The following SEMA4F variants were observed in gnomAD, a reference collection of about 807,000 sequenced individuals.
SEMA4F encodes the protein semaphorin-4F.
In SEMA4F, 51 loss-of-function variants were observed where a neutral mutation model predicts 78.4. The ratio of observed to expected loss-of-function variants is 0.65; its 90% CI spans 0.52 to 0.82. The LOEUF (loss-of-function observed/expected upper bound fraction) is 0.82. Ranked by LOEUF, SEMA4F falls within the 40% of genes least tolerant of loss-of-function variation. The pLI is 0.00. For synonymous variants in SEMA4F, 418 were observed against 408.7 expected, an observed-to-expected ratio of 1.02 and a Z score of -0.27; for missense variants, 938 against 1,014.4, an observed-to-expected ratio of 0.92 and a Z score of 1.02.
At chr2:74,668,747 A>T (rs905263340) in intron 5 of SEMA4F, among the ~76,000 whole-genome samples, 2 of 151,308 alleles carry the variant, frequency 1.3e-5, no homozygotes, top group Non-Finnish European at 2.9e-5. Context: ...CTCCTGTTTC[A>T]GCCTCCCAAG....
At chr2:74,684,962 A>G (rs1685785723), downstream of SEMA4F, among the ~76,000 whole-genome samples, 1 of 152,218 alleles carries the variant, frequency 6.6e-6, no homozygotes, top group South Asian at 2.1e-4. Flanking sequence ...ACAGAGCGAG[A>G]CCTTGTCTCA....
chr2:74,664,075 G>A (rs987869357), intron 5 of SEMA4F, among the ~76,000 whole-genome samples: 1 of 152,172 alleles, frequency 6.6e-6, no homozygotes, highest in African/African-American at 2.4e-5. Context: ...CAGCCACACA[G>A]CAAATTTTTT....
chr2:74,684,811 A>C (rs1685782651), downstream of SEMA4F, among the ~76,000 whole-genome samples: 1 of 152,142 alleles, frequency 6.6e-6, no homozygotes. Flanking sequence ...AAAAATACAA[A>C]AGTTAGCTCG....
At chr2:74,700,362 G>A in the SEMA4F span, among the ~76,000 whole-genome samples, 1 of 152,206 alleles carries the variant, frequency 6.6e-6, no homozygotes, top group African/African-American at 2.4e-5. Context: ...GTGGGAATAG[G>A]TTCCCCTGCT....
intron 7 of SEMA4F, 90 bp downstream of exon 7, chr2:74,673,918 T>A: frequency 7.0e-7 from 1 of 1,433,036 alleles, no homozygotes; most frequent in Non-Finnish European, 9.5e-7. Context: ...TGTCTTTGAA[T>A]CTCTCCTGTG....
intron 12 of SEMA4F, among the ~76,000 whole-genome samples, chr2:74,678,895 G>GA (rs759741939): frequency 4.6e-5 from 7 of 151,208 alleles, no homozygotes; most frequent in South Asian, 2.1e-4. Flanking sequence ...TTAAATAAGA[G>GA]AAAAAAAAAT....
rs367593293 is a variant in SEMA4F at position 74,673,500 on chromosome 2, G to A, written c.594G>A (p.Thr198=). The A allele has an allele frequency of 4.0e-5, 65 of 1,614,148 alleles. No individual in the cohort carries two copies. The highest frequency in any genetic ancestry group is 2.8e-4 in the Admixed American group (17 of 60,026). The change falls in exon 6 of 14, where the codon ACG becomes ACA. Residue 198 remains threonine, a synonymous_variant. Coordinates refer to ENST00000357877, the MANE Select transcript of SEMA4F (RefSeq NM_004263.5). The part of the protein sequence containing the change: ...YAATVKNYLG[T]EPIITRAVGR... ...CCACTGTGAAAAACTACCTGGGGAC[G>A]GAGCCAATTATCACCAGAGCAGTGG...
the SEMA4F span, among the ~76,000 whole-genome samples, chr2:74,708,835 A>C: frequency 6.6e-6 from 1 of 152,242 alleles, no homozygotes; most frequent in Non-Finnish European, 1.5e-5. Context: ...CAAATTTAAA[A>C]ATAGAATGTC....
At chr2:74,692,708 G>A in the SEMA4F span, among the ~76,000 whole-genome samples, 4 of 152,176 alleles carry the variant, frequency 2.6e-5, no homozygotes, top group African/African-American at 9.7e-5. Context: ...CCCAGAGTAA[G>A]CTTTTTTGGA....
chr2:74,676,003 G>C (rs1685263139), intron 12 of SEMA4F, 94 bp downstream of exon 12: 1 of 1,397,156 alleles, frequency 7.2e-7, no homozygotes, highest in Non-Finnish European at 9.6e-7. Flanking sequence ...TGCCCTGCCG[G>C]AGGCTGTTTT....
rs1327608460 is a variant in SEMA4F at position 74,658,635 on chromosome 2, A to G, written c.456+684A>G. 6.6e-6 allele frequency among the ~76,000 whole-genome samples: 1 copy of G among 152,220 alleles called. No homozygotes were observed. The highest frequency in any genetic ancestry group is 1.9e-4 in the East Asian group (1 of 5,202). On this transcript the variant is annotated intron_variant, in intron 4 of 13. Transcript: ENST00000357877. The surrounding 1 kb of genome is among the most constrained non-coding windows in gnomAD (Gnocchi z 4.3). ...CTTGGGACATGTGTATCCTAATCAC[A>G]TCTAGGCTAGTCATGATCTCTGGGA...
chr2:74,706,796 C>T, the SEMA4F span, among the ~76,000 whole-genome samples: 42,782 of 152,092 alleles, frequency 0.28, 9,024 homozygotes, highest in East Asian at 0.82. Flanking sequence ...ATCTCTTCAT[C>T]TCATTTCTAT....
At chr2:74,672,956 T>C (rs1685062035) in intron 5 of SEMA4F, among the ~76,000 whole-genome samples, 1 of 152,166 alleles carries the variant, frequency 6.6e-6, no homozygotes, top group African/African-American at 2.4e-5. Context: ...TTAAATCACT[T>C]CCCCAAGTGA....
At chr2:74,694,998 C>T in the SEMA4F span, among the ~76,000 whole-genome samples, 2 of 152,206 alleles carry the variant, frequency 1.3e-5, no homozygotes, top group Non-Finnish European at 2.9e-5. Context: ...CATACATGTG[C>T]AGGTGTTTTT....
At position 74,675,370 on chromosome 2, in the gene SEMA4F, T is replaced by C; in HGVS notation, c.1358T>C (p.Leu453Pro). The C allele has an allele frequency of 6.2e-7, 1 of 1,613,618 alleles. No homozygotes were observed. Among genetic ancestry groups the C allele is most frequent in the Admixed American group, 1.7e-5 (1 of 59,932 alleles). ...TSLSGKEYDV[L>P]YLGTEDGHLH... ...CTCTCAGGGAAAGAGTATGATGTGC[T>C]CTACCTGGGGACAGGTATATTTAAT... The change falls in exon 10 of 14, where the codon CTC becomes CCC. Residue 453 changes from leucine (L) to proline (P), a missense_variant. Transcript: ENST00000357877.
At position 74,674,581 on chromosome 2, in the gene SEMA4F, T is replaced by C. The variant is rs2104995800; in HGVS notation, c.906T>C (p.His302=). The C allele has an allele frequency of 6.2e-7, 1 of 1,614,138 alleles. No individual in the cohort carries two copies. Among genetic ancestry groups the C allele is most frequent in the East Asian group, 2.2e-5 (1 of 44,872 alleles). Residue 302 remains histidine (H), a synonymous_variant, in exon 8 of 14, where the codon CAT becomes CAC. Transcript: ENST00000357877. ...ACCTGCTCTGTCCAGGGCCTGAGCA[T>C]GGCCGGGCCTCCAGTGTCCTGCAGG... The part of the protein sequence containing the change: ...KADLLCPGPE[H]GRASSVLQDV...
At chr2:74,678,496 A>T (rs182442106) in intron 12 of SEMA4F, among the ~76,000 whole-genome samples, 1 of 152,204 alleles carries the variant, frequency 6.6e-6, no homozygotes, top group South Asian at 2.1e-4. Flanking sequence ...AGGGACCTCA[A>T]TTCATATTGA....
rs769709370 is a variant in SEMA4F at position 74,675,169 on chromosome 2, C to T, written c.1157C>T (p.Thr386Ile). 6.2e-6 allele frequency: 10 copies of T among 1,614,048 alleles called. No individual in the cohort carries two copies. Among genetic ancestry groups the T allele is most frequent in the Non-Finnish European group, 8.5e-6 (10 of 1,180,024 alleles). Residue 386 changes from threonine to isoleucine, a missense_variant, in exon 10 of 14, where the codon ACC (threonine) becomes ATC (isoleucine). Coordinates refer to ENST00000357877, the MANE Select transcript of SEMA4F (RefSeq NM_004263.5). ...VPQPRPGECI[T>I]NNMKLRHFGS... ...GCCCTGTATTTCCTCTAGTGCATCA[C>T]CAACAACATGAAGCTCCGGCACTTT...
At position 74,681,595 on chromosome 2, in the gene SEMA4F, A is replaced by G. The variant is rs1410682038; in HGVS notation, c.*1386A>G. The G allele has an allele frequency of 6.5e-5, 10 of 152,690 alleles. No individual in the cohort carries two copies. Among genetic ancestry groups the G allele is most frequent in the African/African-American group, 2.4e-4 (10 of 41,444 alleles). 9.5% of individuals were successfully genotyped at this position (152,690 alleles called of 1,614,324 possible). A position where few individuals can be genotyped will look rare whatever the true frequency, so the allele number is the denominator to read the frequency against. ...GACTGTGGCCAGTCCCTGGACTGGT[A>G]GCTGCTGGAGGCCTTCTTGTTTCTC... On this transcript the variant is annotated 3_prime_UTR_variant, in exon 14 of 14. Transcript: ENST00000357877.
Sources: gnomAD v4.1 joint callset for allele counts (sites outside exome capture counted in the v4.1 genomes callset) on GRCh38, gnomAD v4.1.1 for gene constraint, Gnocchi (gnomAD v3.1) non-coding constraint, MANE v1.5 for transcripts, NCBI Gene and HGNC (gene_info 2026-07-23, HGNC 2026-07-21) for gene names.